Variants in PHLPP1 observed in about 807,000 individuals in gnomAD.
PHLPP1 encodes the protein PH domain leucine-rich repeat-containing protein phosphatase 1.
Under a neutral mutation model 117.2 loss-of-function variants are expected in PHLPP1, and 42 were observed. That is an observed-to-expected ratio of 0.36 (90% CI 0.28 to 0.46). The LOEUF (loss-of-function observed/expected upper bound fraction) is 0.46. Among genes scored for constraint, PHLPP1 ranks in the 20% least tolerant of loss-of-function variants. The pLI, the probability that PHLPP1 is intolerant of heterozygous loss-of-function variation, is 1.00. For synonymous variants in PHLPP1, 1,042 were observed against 970.7 expected (o/e 1.07, Z -1.37); for missense variants, 2,084 against 2,241.9 (o/e 0.93, Z 1.42).
chr18:62,808,413 A>G (rs1049463202), intron 1 of PHLPP1, among the ~76,000 whole-genome samples: 1 of 152,206 alleles, frequency 6.6e-6, no homozygotes, highest in Admixed American at 6.5e-5. Context: ...GATGTAATCA[A>G]TCTGTACTTT....
intron 1 of PHLPP1, among the ~76,000 whole-genome samples, chr18:62,751,796 A>G (rs1369270198): frequency 6.6e-6 from 1 of 152,120 alleles, no homozygotes; most frequent in Non-Finnish European, 1.5e-5. Context: ...CCCCTCCTCC[A>G]TTTCCTGCTC....
chr18:62,900,433 CTTTTTTTTTTTTTTT>C lies in PHLPP1; in HGVS notation c.2445-2517_2445-2503del, dbSNP rs774225759. On this transcript the variant is annotated intron_variant, in intron 6 of 16. Coordinates refer to ENST00000262719, the MANE Select transcript of PHLPP1 (RefSeq NM_194449.4). Reference sequence around the variant, plus strand: ...GTATTCTTGTTTTTTCTTTTTCTTTCTTTTTTTTTTTTTTTTTTTTTTTTTTTTGAGACAGGGTCT... The same window carrying C: ...GTATTCTTGTTTTTTCTTTTTCTTTCTTTTTTTTTTTTTGAGACAGGGTCT... 1.2e-3 allele frequency among the ~76,000 whole-genome samples: 66 copies of C among 54,270 alleles called. 2 individuals are homozygous for C. Among genetic ancestry groups the C allele is most frequent in the African/African-American group, 4.1e-3 (50 of 12,308 alleles). The allele number at this position is 54,270 out of a possible 152,430, so 35.6% of individuals were successfully genotyped here. A position where few individuals can be genotyped will look rare whatever the true frequency, so the allele number is the denominator to read the frequency against.
At chr18:62,830,818 C>T (rs72945551) in intron 2 of PHLPP1, among the ~76,000 whole-genome samples, 282 of 152,212 alleles carry the variant, frequency 1.9e-3, no homozygotes, top group Non-Finnish European at 3.0e-3. Flanking sequence ...ATGATAAATT[C>T]GTTACTTATG....
chr18:62,863,210 T>TTTTC (rs1915676778), intron 4 of PHLPP1, among the ~76,000 whole-genome samples: 1 of 152,012 alleles, frequency 6.6e-6, no homozygotes, highest in South Asian at 2.1e-4. Flanking sequence ...TTCTTTCTTC[T>TTTTC]TTTCTTTCTT....
chr18:62,946,738 A>AT (rs1910298763), intron 12 of PHLPP1, among the ~76,000 whole-genome samples: 1 of 152,124 alleles, frequency 6.6e-6, no homozygotes, highest in African/African-American at 2.4e-5. Flanking sequence ...TCACAGTGGC[A>AT]TTTTAAGATG....
chr18:62,913,934 C>T (rs1917032298), intron 8 of PHLPP1, among the ~76,000 whole-genome samples: 1 of 151,864 alleles, frequency 6.6e-6, no homozygotes, highest in Non-Finnish European at 1.5e-5. Flanking sequence ...TTAGTAGAGA[C>T]AGGGTTTCAC....
chr18:62,848,564 AGT>A (rs1327097636), intron 3 of PHLPP1, among the ~76,000 whole-genome samples: 5 of 150,674 alleles, frequency 3.3e-5, no homozygotes, highest in African/African-American at 1.2e-4. Context: ...TCCAGGCTCA[AGT>A]GATCCTCCCA....
intron 3 of PHLPP1, among the ~76,000 whole-genome samples, chr18:62,849,907 A>G (rs751946580): frequency 7.2e-4 from 102 of 142,316 alleles, no homozygotes; most frequent in Non-Finnish European, 1.1e-3. Flanking sequence ...TTTAACCCAG[A>G]GTATTAAATT....
rs907103801 is a variant in PHLPP1, at chr18:62,804,927, G to T, written c.1577-25108G>T. On this transcript the variant is annotated intron_variant, in intron 1 of 16. Coordinates refer to ENST00000262719, the MANE Select transcript of PHLPP1 (RefSeq NM_194449.4). ...TATACAGTATAATATACACTGCATA[G>T]GTTATACATATACAGTATAATATAC... Among the ~76,000 whole-genome samples the T allele has an allele frequency of 5.8e-3, 825 of 143,426 alleles. 1 individual carries two copies. The highest frequency in any genetic ancestry group is 0.02 in the African/African-American group (771 of 39,032). 94.1% of individuals were successfully genotyped at this position (143,426 alleles called of 152,430 possible). A position where few individuals can be genotyped will look rare whatever the true frequency, so the allele number is the denominator to read the frequency against.
At chr18:62,944,814 T>C (rs1291798038) in intron 11 of PHLPP1, among the ~76,000 whole-genome samples, 1 of 152,204 alleles carries the variant, frequency 6.6e-6, no homozygotes, top group African/African-American at 2.4e-5. Flanking sequence ...CAGACCAAGC[T>C]ATACAGTAAC....
chr18:62,811,298 G>C (rs1914107704), intron 1 of PHLPP1, among the ~76,000 whole-genome samples: 1 of 151,998 alleles, frequency 6.6e-6, no homozygotes, highest in African/African-American at 2.4e-5. Flanking sequence ...AAACAATCTT[G>C]AACAATAAAG....
At position 62,716,404 on chromosome 18, in the gene PHLPP1, G is replaced by C; in HGVS notation, c.721G>C (p.Gly241Arg). 1.4e-6 allele frequency: 2 copies of C among 1,477,148 alleles called. No homozygotes were observed. The highest frequency in any genetic ancestry group is 2.9e-5 in the East Asian group (1 of 34,354). 91.5% of individuals were successfully genotyped at this position (1,477,148 alleles called of 1,614,324 possible). ...AARLLQLGHK[G>R]GGVVKVLGQG... Reference sequence around the variant, plus strand: ...CCGCCTGCTGCAGCTGGGCCACAAAGGCGGCGGCGTGGTGAAGGTGCTGGG... The same window carrying C: ...CCGCCTGCTGCAGCTGGGCCACAAACGCGGCGGCGTGGTGAAGGTGCTGGG... Residue 241 changes from glycine to arginine, a missense_variant, in exon 1 of 17, where the codon GGC becomes CGC. By Grantham distance (125) the Gly-to-Arg change is moderately radical (BLOSUM62 -2). Coordinates refer to ENST00000262719, the MANE Select transcript of PHLPP1 (RefSeq NM_194449.4). This position sits in a 1 kb window ranked among gnomAD's most constrained non-coding sequence, Gnocchi z 5.7.
chr18:62,943,536 C>T (rs1201416003), intron 11 of PHLPP1, among the ~76,000 whole-genome samples: 1 of 152,168 alleles, frequency 6.6e-6, no homozygotes, highest in Non-Finnish European at 1.5e-5. Context: ...CTGGCATCTG[C>T]TTCTGGTGAG....
chr18:62,946,794 C>T (rs866591030), intron 12 of PHLPP1, among the ~76,000 whole-genome samples: 2 of 152,078 alleles, frequency 1.3e-5, no homozygotes, highest in Admixed American at 1.3e-4. Context: ...TGGCTCACGC[C>T]GGTAATCCCA....
chr18:62,975,809 G>A (rs1199600846), intron 16 of PHLPP1, among the ~76,000 whole-genome samples, 184 bp downstream of exon 16: 2 of 152,202 alleles, frequency 1.3e-5, no homozygotes, highest in Non-Finnish European at 2.9e-5. Flanking sequence ...ATGCTTGTTG[G>A]TTGCCTCTCT....
Position 62,892,108 on chromosome 18 carries a change from T to TA in PHLPP1, c.2067-2902dup, listed in dbSNP as rs1188911514. On this transcript the variant is annotated intron_variant, in intron 4 of 16. Coordinates refer to ENST00000262719, the MANE Select transcript of PHLPP1 (RefSeq NM_194449.4). ...TTTTTTTTTTTTTTTTTTTTTTTTT[T>TA]ACGGAGTTTTGCTCCTGTCACCCAG... 1.5e-4 allele frequency among the ~76,000 whole-genome samples: 18 copies of TA among 117,278 alleles called. No homozygotes were observed. The South Asian group carries it at 4.7e-3, about 31-fold the overall frequency. 76.9% of individuals were successfully genotyped at this position (117,278 alleles called of 152,430 possible). A position where few individuals can be genotyped will look rare whatever the true frequency, so the allele number is the denominator to read the frequency against.
chr18:62,947,286 TAGG>T (rs1168940755), intron 12 of PHLPP1, among the ~76,000 whole-genome samples: 1 of 152,188 alleles, frequency 6.6e-6, no homozygotes, highest in Non-Finnish European at 1.5e-5. Context: ...GCATTTGAAA[TAGG>T]AGTGTCACAT....
At chr18:62,963,311 C>T (rs757654849) in intron 13 of PHLPP1, 57 bp from the exon 14 acceptor site, 32 of 1,131,954 alleles carry the variant, frequency 2.8e-5, no homozygotes, top group Non-Finnish European at 4.1e-5. Context: ...ATAAAGGTAG[C>T]AATTTGCACA....
chr18:62,818,836 C>G (rs991393119), intron 1 of PHLPP1, among the ~76,000 whole-genome samples: 2 of 152,246 alleles, frequency 1.3e-5, no homozygotes, highest in African/African-American at 4.8e-5. Flanking sequence ...AAATGGTTAA[C>G]AACCTCCTCT....
Sources: gnomAD v4.1 joint callset for allele counts (sites outside exome capture counted in the v4.1 genomes callset) on GRCh38, gnomAD v4.1.1 for gene constraint, Gnocchi (gnomAD v3.1) non-coding constraint, MANE v1.5 for transcripts, NCBI Gene and HGNC (gene_info 2026-07-23, HGNC 2026-07-21) for gene names.